The following UGT3A2 variants were observed in gnomAD, a reference collection of about 807,000 sequenced individuals.
UGT3A2 encodes the protein UDP-glycosyltransferase 3A2.
UGT3A2 carries 32 observed loss-of-function variants against 39.8 expected under a neutral mutation model. That is an observed-to-expected ratio of 0.80 (90% confidence interval 0.61 to 1.08). The LOEUF (loss-of-function observed/expected upper bound fraction) is 1.08, where lower values mean the gene tolerates loss of function less well. UGT3A2 is among the 50% of genes least tolerant of loss of function. The probability of loss-of-function intolerance (pLI) is 0.00; values close to 1 mark genes in which losing one functional copy is unlikely to be tolerated. For missense variants in UGT3A2, 611 were observed against 637.1 expected (o/e 0.96, Z 0.44); for synonymous variants, 241 against 230.7 (o/e 1.04, Z -0.40).
intron 2 of UGT3A2, among the ~76,000 whole-genome samples, chr5:36,058,682 C>A (rs754119402): frequency 6.6e-6 from 1 of 152,214 alleles, no homozygotes; most frequent in Non-Finnish European, 1.5e-5. Flanking sequence ...GGAAGCTCAG[C>A]AGCTGCCTTT....
chr5:36,064,521 C>T (rs1488671589), intron 1 of UGT3A2, among the ~76,000 whole-genome samples, 171 bp from the exon 2 acceptor site: 2 of 152,188 alleles, frequency 1.3e-5, no homozygotes, highest in Non-Finnish European at 2.9e-5. Context: ...AGCCCACTCA[C>T]CCAGAGCATG....
intron 2 of UGT3A2, among the ~76,000 whole-genome samples, chr5:36,059,911 C>T (rs1232264051): frequency 6.6e-6 from 1 of 152,114 alleles, no homozygotes; most frequent in Non-Finnish European, 1.5e-5. Context: ...AAGGTGTGTG[C>T]GACCATGGAA....
At position 36,037,802 on chromosome 5, in the gene UGT3A2, G is replaced by A; in HGVS notation, c.1290C>T (p.Asp430=). Residue 430 remains aspartate (D), a synonymous_variant, in exon 6 of 7, where the codon GAC becomes GAT. Coordinates refer to ENST00000282507, the MANE Select transcript of UGT3A2 (RefSeq NM_174914.4). ...LALKMKQIME[D]KRYKSAAVAA... ...AACCCCAAGGAGCTGCATACCTCTT[G>A]TCTTCCATGATTTGTTTCATCTTAA... 6.2e-7 allele frequency: 1 copy of A among 1,614,188 alleles called. No individual in the cohort carries two copies. The highest frequency in any genetic ancestry group is 1.1e-5 in the South Asian group (1 of 91,082).
intron 2 of UGT3A2, among the ~76,000 whole-genome samples, chr5:36,054,548 G>A (rs75968097): frequency 0.016 from 2,399 of 152,282 alleles, 57 homozygotes; most frequent in African/African-American, 0.055. Flanking sequence ...GAGAGTCTGG[G>A]TGTAATCCAT....
chr5:36,037,835 T>C lies in UGT3A2; in HGVS notation c.1257A>G (p.Thr419=). The change falls in exon 6 of 7, where the codon ACA becomes ACG. Residue 419 remains threonine, a synonymous_variant. Transcript: ENST00000282507. ...TGATTTGTTTCATCTTAAGAGCCAA[T>C]GTCTCTGCCTTGAGCTTCTTTAACT... is the stretch of plus-strand genomic sequence containing the variant. ...SIQLKKLKAE[T]LALKMKQIME... 17 of 1,614,176 alleles carry C rather than the reference T, an allele frequency of 1.1e-5. No individual in the cohort carries two copies. The highest frequency in any genetic ancestry group is 1.4e-5 in the Non-Finnish European group (17 of 1,180,024).
At chr5:36,045,595 A>T (rs571762224) in intron 4 of UGT3A2, among the ~76,000 whole-genome samples, 1 of 150,626 alleles carries the variant, frequency 6.6e-6, no homozygotes, top group African/African-American at 2.4e-5. Context: ...CTCAGTCCTC[A>T]GTCTCAAAAA....
At chr5:36,060,817 A>T (rs933730925) in intron 2 of UGT3A2, among the ~76,000 whole-genome samples, 1 of 152,116 alleles carries the variant, frequency 6.6e-6, no homozygotes, top group East Asian at 1.9e-4. Flanking sequence ...AATTTCAGAG[A>T]TGGTCCTACA....
intron 2 of UGT3A2, among the ~76,000 whole-genome samples, chr5:36,056,237 G>A (rs2111753145): frequency 6.6e-6 from 1 of 152,340 alleles, no homozygotes; most frequent in South Asian, 2.1e-4. Context: ...CTGAGATAGA[G>A]AGGTACTGGG....
At chr5:36,061,040 C>T (rs982657392) in intron 2 of UGT3A2, among the ~76,000 whole-genome samples, 2 of 152,090 alleles carry the variant, frequency 1.3e-5, no homozygotes, top group African/African-American at 4.8e-5. Context: ...CGCCTAATAG[C>T]ACGCACCTGT....
At chr5:36,043,826 C>G (rs1158925482) in intron 4 of UGT3A2, among the ~76,000 whole-genome samples, 1 of 152,050 alleles carries the variant, frequency 6.6e-6, no homozygotes, top group Non-Finnish European at 1.5e-5. Flanking sequence ...TGAACCTGAA[C>G]AGACCAATAA....
rs1192896876 is a variant in UGT3A2 at position 36,039,503 on chromosome 5, T to A, written c.1049A>T (p.Asp350Val). Reference protein sequence around the residue: ...VHLAANVKIVDWLPQSDLLAH... With the variant: ...VHLAANVKIVVWLPQSDLLAH... ...CAGGAGGTCACTCTGAGGAAGCCAG[T>A]CCACAATTTTCACATTTGCAGCCAG... Residue 350 changes from aspartate to valine, a missense_variant, in exon 5 of 7, where the codon GAC (aspartate) becomes GTC (valine). Transcript: ENST00000282507. The A allele has an allele frequency of 3.1e-6, 5 of 1,614,124 alleles. No individual in the cohort carries two copies. In the Admixed American group the frequency reaches 8.3e-5, roughly 27 times the overall value.
chr5:36,041,376 C>T (rs541662575), intron 4 of UGT3A2, among the ~76,000 whole-genome samples: 6 of 152,164 alleles, frequency 3.9e-5, no homozygotes, highest in African/African-American at 1.4e-4. Context: ...AGCTCTTGAG[C>T]CTTGAATAAA....
At chr5:36,048,854 G>T in intron 4 of UGT3A2, 35 bp downstream of exon 4, 1 of 1,598,734 alleles carries the variant, frequency 6.3e-7, no homozygotes, top group Non-Finnish European at 8.5e-7. Context: ...AGGCCTCTGC[G>T]TGAATCCCAA....
At chr5:36,046,482 C>T (rs1371423926) in intron 4 of UGT3A2, among the ~76,000 whole-genome samples, 1 of 152,142 alleles carries the variant, frequency 6.6e-6, no homozygotes, top group Non-Finnish European at 1.5e-5. Flanking sequence ...AACTAGAATA[C>T]ATTATGTTAA....
chr5:36,041,001 C>T (rs1208330031), intron 4 of UGT3A2, among the ~76,000 whole-genome samples: 2 of 152,212 alleles, frequency 1.3e-5, no homozygotes, highest in Non-Finnish European at 2.9e-5. Flanking sequence ...AACATCTCCA[C>T]ATCTAGGCCT....
intron 3 of UGT3A2, among the ~76,000 whole-genome samples, chr5:36,051,441 G>A (rs905753464): frequency 1.3e-5 from 2 of 152,080 alleles, no homozygotes; most frequent in South Asian, 2.1e-4. Context: ...TAAGAAGAAG[G>A]GAAGACAGTA....
chr5:36,045,015 A>G lies in UGT3A2; in HGVS notation c.843+3874T>C, dbSNP rs144810946. On this transcript the variant is annotated intron_variant, in intron 4 of 6. Transcript: ENST00000282507. ...ATTTATATGGAACCACAAAAGACCC[A>G]GAATAGCCAAAGCCATCCCAAGCAA... Among the ~76,000 whole-genome samples, 26 of 152,280 alleles carry G rather than the reference A, an allele frequency of 1.7e-4. No homozygotes were observed. The East Asian group carries it at 5.0e-3, about 29-fold the overall frequency.
At chr5:36,055,527 C>T (rs1417841907) in intron 2 of UGT3A2, among the ~76,000 whole-genome samples, 3 of 152,084 alleles carry the variant, frequency 2.0e-5, no homozygotes, top group East Asian at 1.9e-4. Flanking sequence ...CCACTGTGCC[C>T]GGCCTAGGAT....
At chr5:36,042,017 G>A (rs1403639999) in intron 4 of UGT3A2, among the ~76,000 whole-genome samples, 2 of 151,910 alleles carry the variant, frequency 1.3e-5, no homozygotes, top group East Asian at 3.9e-4. Context: ...ATAACACAGA[G>A]AAGAAATTCA....
Sources: allele counts gnomAD v4.1 joint callset (sites outside exome capture counted in the v4.1 genomes callset), GRCh38; gene constraint gnomAD v4.1.1; transcripts MANE v1.5; gene names NCBI Gene and HGNC (gene_info 2026-07-23, HGNC 2026-07-21).